Variants in UNC13A observed in about 807,000 individuals in gnomAD.
UNC13A encodes unc-13 homolog A, also known as protein unc-13 homolog A.
A neutral mutation model predicts 219.7 loss-of-function variants in UNC13A; 61 were observed. The observed-to-expected ratio is 0.28, with a 90% CI of 0.23 to 0.34. The LOEUF is 0.34. UNC13A is among the 10% of genes least tolerant of loss of function. The probability of loss-of-function intolerance (pLI) is 1.00; values close to 1 mark genes in which losing one functional copy is unlikely to be tolerated. For synonymous variants in UNC13A, 920 were observed against 884.6 expected, an observed-to-expected ratio of 1.04 and a Z score of -0.71; for missense variants, 1,476 against 2,270.3, an observed-to-expected ratio of 0.65 and a Z score of 7.11.
At chr19:17,664,641 G>A (rs576303902) in intron 7 of UNC13A, among the ~76,000 whole-genome samples, 45 of 152,196 alleles carry the variant, frequency 3.0e-4, no homozygotes, top group African/African-American at 9.6e-4. Flanking sequence ...GCCTGGCCCC[G>A]CCCCCATTGC....
chr19:17,620,197 G>A (rs1486011285), intron 38 of UNC13A, among the ~76,000 whole-genome samples: 3 of 152,084 alleles, frequency 2.0e-5, no homozygotes. Flanking sequence ...TGAGTATTGA[G>A]GTAACAAGTC....
chr19:17,640,096 G>A (rs528208535), intron 22 of UNC13A, among the ~76,000 whole-genome samples, 188 bp from the exon 23 acceptor site: 34 of 151,884 alleles, frequency 2.2e-4, no homozygotes, highest in East Asian at 5.8e-4. Context: ...GTGTAGTGGC[G>A]CAGTCTCAGC....
rs1184027918 is a variant in UNC13A, at chr19:17,624,847, C to T, written c.4179G>A (p.Pro1393=). 6.2e-6 allele frequency: 10 copies of T among 1,613,508 alleles called. No homozygotes were observed. Among genetic ancestry groups the T allele is most frequent in the Non-Finnish European group, 7.6e-6 (9 of 1,179,556 alleles). Residue 1393 remains proline, a synonymous_variant, in exon 35 of 44, where the codon CCG becomes CCA. Transcript: ENST00000519716. ...GTCTCACCGTCTGGTCAGTGAGGGGCGGCAGGACGATGGTTTTCTCCATGG... is the reference window on the plus strand; with the variant it reads ...GTCTCACCGTCTGGTCAGTGAGGGGTGGCAGGACGATGGTTTTCTCCATGG... The part of the protein sequence containing the change: ...MNTMEKTIVL[P]PLTDQTMIGN...
chr19:17,635,227 C>T (rs2076901147), intron 26 of UNC13A, among the ~76,000 whole-genome samples: 1 of 151,976 alleles, frequency 6.6e-6, no homozygotes, highest in Non-Finnish European at 1.5e-5. Flanking sequence ...TCTCAAACTC[C>T]TGACCTCAAA....
intron 28 of UNC13A, 33 bp downstream of exon 28, chr19:17,632,749 T>C: frequency 6.2e-7 from 1 of 1,613,188 alleles, no homozygotes; most frequent in Non-Finnish European, 8.5e-7. Flanking sequence ...GCTACAGTTC[T>C]GGCTTGGGTT....
At chr19:17,670,670 A>T (rs1304306483) in intron 4 of UNC13A, among the ~76,000 whole-genome samples, 3 of 152,086 alleles carry the variant, frequency 2.0e-5, no homozygotes, top group African/African-American at 7.2e-5. Context: ...TTGCGAGGCC[A>T]AGGTGGGCGG....
intron 7 of UNC13A, among the ~76,000 whole-genome samples, chr19:17,666,191 T>TCTCTC (rs1568267717): frequency 2.8e-4 from 12 of 43,084 alleles, no homozygotes; most frequent in African/African-American, 8.1e-4. Context: ...CTCTCTCTCT[T>TCTCTC]TCTCTCTTTC....
chr19:17,686,399 AGAGGATAGAG>A (rs1568278895), intron 1 of UNC13A, among the ~76,000 whole-genome samples: 1 of 148,372 alleles, frequency 6.7e-6, no homozygotes, highest in Non-Finnish European at 1.5e-5. Context: ...GGGAGAAGAG[AGAGGATAGAG>A]GAGTCAGCCA....
chr19:17,644,835 G>A (rs2077008001), intron 19 of UNC13A, among the ~76,000 whole-genome samples: 1 of 151,626 alleles, frequency 6.6e-6, no homozygotes, highest in Non-Finnish European at 1.5e-5. Context: ...GGGACCACAG[G>A]TGAGTGTCAC....
chr19:17,617,610 C>A, intron 41 of UNC13A, 92 bp downstream of exon 41: 2 of 1,548,370 alleles, frequency 1.3e-6, no homozygotes, highest in Admixed American at 1.7e-5. Flanking sequence ...TCCATGACGT[C>A]ACAGGGGAGT....
intron 41 of UNC13A, among the ~76,000 whole-genome samples, chr19:17,617,409 C>T (rs1013776316): frequency 9.6e-4 from 146 of 152,264 alleles, no homozygotes; most frequent in African/African-American, 3.4e-3. Context: ...GTCATCAATC[C>T]TACCCTGGTC....
chr19:17,637,878 G>A (rs1170683052), intron 25 of UNC13A, among the ~76,000 whole-genome samples: 1 of 25,150 alleles, frequency 4.0e-5, no homozygotes, highest in Non-Finnish European at 8.1e-5. Flanking sequence ...AACCATCCCT[G>A]TTTGTAAATT....
chr19:17,623,369 G>C (rs923805587), intron 36 of UNC13A, 173 bp downstream of exon 36: 61 of 478,440 alleles, frequency 1.3e-4, no homozygotes, highest in Middle Eastern at 1.1e-3. Context: ...TCCCAGCCCC[G>C]CCCCCTCCCC....
chr19:17,606,455 G>C, intron 43 of UNC13A, 101 bp from the exon 44 acceptor site: 1 of 1,442,574 alleles, frequency 6.9e-7, no homozygotes, highest in Non-Finnish European at 9.2e-7. Flanking sequence ...CCACACCGGG[G>C]TGCCCACACC....
intron 8 of UNC13A, among the ~76,000 whole-genome samples, chr19:17,658,808 C>A (rs1354455942): frequency 1.3e-5 from 2 of 152,148 alleles, no homozygotes; most frequent in Non-Finnish European, 2.9e-5. Flanking sequence ...ATGGTTCTGT[C>A]TTTTTCAAAA....
At chr19:17,623,521 G>A (rs748018562) in intron 36 of UNC13A, 21 bp downstream of exon 36, 2 of 1,519,526 alleles carry the variant, frequency 1.3e-6, no homozygotes, top group Non-Finnish European at 1.8e-6. Flanking sequence ...CAGACAGACG[G>A]ACAGACGGGA....
intron 4 of UNC13A, 150 bp from the exon 5 acceptor site, chr19:17,669,826 TCCC>T: frequency 2.2e-6 from 2 of 897,498 alleles, no homozygotes; most frequent in South Asian, 5.1e-5. Flanking sequence ...CTTCCTTCCT[TCCC>T]TTCCTTCCTT....
At chr19:17,667,231 C>T (rs1019548227) in intron 6 of UNC13A, among the ~76,000 whole-genome samples, 2 of 143,556 alleles carry the variant, frequency 1.4e-5, no homozygotes, top group African/African-American at 5.2e-5. Flanking sequence ...AGCCTGGTGA[C>T]ACAGCGAGAC....
chr19:17,632,016 T>C (rs1051319876), intron 28 of UNC13A, among the ~76,000 whole-genome samples: 1 of 152,176 alleles, frequency 6.6e-6, no homozygotes, highest in East Asian at 1.9e-4. Context: ...GTTCAAGCAA[T>C]TCTCATGCCT....
Sources: gnomAD v4.1 joint callset for allele counts (sites outside exome capture counted in the v4.1 genomes callset) on GRCh38, gnomAD v4.1.1 for gene constraint, MANE v1.5 for transcripts, NCBI Gene and HGNC (gene_info 2026-07-23, HGNC 2026-07-21) for gene names.